PEAK1: variants seen among roughly 807,000 people sequenced by gnomAD.
The protein encoded by PEAK1 is pseudopodium enriched atypical kinase 1, also known as inactive tyrosine-protein kinase PEAK1.
Under a neutral mutation model 124.7 loss-of-function variants are expected in PEAK1, and 54 were observed. The observed-to-expected ratio is 0.43, with a 90% CI of 0.35 to 0.54. The LOEUF is 0.54. PEAK1 is among the 20% of genes least tolerant of loss of function. The probability of loss-of-function intolerance (pLI) is 0.01; values close to 1 mark genes in which losing one functional copy is unlikely to be tolerated. For missense variants in PEAK1, 2,046 were observed against 2,134.5 expected (o/e 0.96, Z 0.82); for synonymous variants, 719 against 760.0 (o/e 0.95, Z 0.89).
At chr15:77,351,799 T>C (rs2067226422) in intron 2 of PEAK1, 1 of 985,432 alleles carries the variant, frequency 1.0e-6, no homozygotes, top group Non-Finnish European at 1.2e-6. Flanking sequence ...TGTGGAGCAC[T>C]GAAAAGTTTT....
intron 1 of PEAK1, among the ~76,000 whole-genome samples, chr15:77,394,881 A>G (rs1210606294): frequency 6.6e-6 from 1 of 152,232 alleles, no homozygotes; most frequent in Non-Finnish European, 1.5e-5. Flanking sequence ...TTCAAAGGAT[A>G]AATGTTTGAG....
chr15:77,288,371 C>T (rs1259539767), intron 2 of PEAK1, among the ~76,000 whole-genome samples: 3 of 152,158 alleles, frequency 2.0e-5, no homozygotes, highest in Admixed American at 1.3e-4. Context: ...GAAATTCTTA[C>T]TTATTCAGGT....
At chr15:77,398,321 A>C (rs1229384041) in intron 1 of PEAK1, among the ~76,000 whole-genome samples, 1 of 152,110 alleles carries the variant, frequency 6.6e-6, no homozygotes, top group East Asian at 1.9e-4. Flanking sequence ...AAAAGCAAAG[A>C]TACAGGCCAA....
At chr15:77,107,389 G>A (rs1596193296), downstream of PEAK1, 1 of 152,284 alleles carries the variant, frequency 6.6e-6, no homozygotes. Context: ...TAAACCTCAA[G>A]TCTGGCAGCC....
chr15:77,350,957 C>T, intron 2 of PEAK1: 2 of 984,962 alleles, frequency 2.0e-6, no homozygotes, highest in Non-Finnish European at 2.4e-6. Context: ...ATTAATTACA[C>T]TCTTCATTCA....
At chr15:77,210,702 A>G (rs1390577988) in intron 6 of PEAK1, among the ~76,000 whole-genome samples, 1 of 152,180 alleles carries the variant, frequency 6.6e-6, no homozygotes, top group African/African-American at 2.4e-5. Context: ...CAACATGGTG[A>G]AACCCCATCT....
At chr15:77,254,581 C>T (rs749418335) in intron 5 of PEAK1, among the ~76,000 whole-genome samples, 3 of 152,080 alleles carry the variant, frequency 2.0e-5, no homozygotes, top group South Asian at 2.1e-4. Context: ...TACAGTCACA[C>T]GCCACCATGC....
chr15:77,349,984 A>T, intron 2 of PEAK1: 1 of 984,976 alleles, frequency 1.0e-6, no homozygotes, highest in Non-Finnish European at 1.2e-6. Context: ...AGGATCAAGC[A>T]TTATAGGAAG....
At chr15:77,227,343 C>T (rs1385057646) in intron 6 of PEAK1, among the ~76,000 whole-genome samples, 1 of 152,054 alleles carries the variant, frequency 6.6e-6, no homozygotes, top group Non-Finnish European at 1.5e-5. Context: ...GTATAAGTAA[C>T]ACAGAGGCAC....
chr15:77,271,636 A>G (rs1314911974), intron 5 of PEAK1, among the ~76,000 whole-genome samples: 1 of 152,206 alleles, frequency 6.6e-6, no homozygotes, highest in African/African-American at 2.4e-5. Context: ...TTGTAGGGAC[A>G]TGGATGAAGC....
chr15:77,320,932 A>G (rs1162793698), intron 2 of PEAK1, among the ~76,000 whole-genome samples: 1 of 151,974 alleles, frequency 6.6e-6, no homozygotes, highest in East Asian at 1.9e-4. Context: ...TCCTTGCGAC[A>G]CTTTGCTGAG....
chr15:77,345,045 T>C (rs2141373515), intron 2 of PEAK1, among the ~76,000 whole-genome samples: 1 of 152,336 alleles, frequency 6.6e-6, no homozygotes, highest in East Asian at 1.9e-4. Context: ...CTTTTTCTAA[T>C]TGTTGTGGCT....
chr15:77,158,153 T>C (rs1395438540), intron 8 of PEAK1: 1 of 176,614 alleles, frequency 5.7e-6, no homozygotes, highest in Non-Finnish European at 1.2e-5. Context: ...AAGGTATCTT[T>C]TGACACCCTC....
intron 6 of PEAK1, among the ~76,000 whole-genome samples, chr15:77,240,882 C>T (rs1373154553): frequency 6.6e-6 from 1 of 152,006 alleles, no homozygotes. Context: ...CAGTGACATG[C>T]AAATTAAAAT....
At chr15:77,165,385 T>C (rs554448722) in intron 7 of PEAK1, among the ~76,000 whole-genome samples, 148 of 152,064 alleles carry the variant, frequency 9.7e-4, no homozygotes, top group African/African-American at 3.3e-3. Flanking sequence ...TTAGTAGAGA[T>C]GGGGTTTCGC....
chr15:77,269,026 GA>G (rs1177616664), intron 5 of PEAK1, among the ~76,000 whole-genome samples: 1 of 150,902 alleles, frequency 6.6e-6, no homozygotes, highest in Non-Finnish European at 1.5e-5. Flanking sequence ...TCTAAATCTT[GA>G]AACAAATCCT....
At position 77,133,639 on chromosome 15, in the gene PEAK1, G is replaced by A. The variant is rs757566895; in HGVS notation, c.3443C>T (p.Ser1148Phe). 4.3e-6 allele frequency: 7 copies of A among 1,614,016 alleles called. No homozygotes were observed. In the Admixed American group the frequency reaches 5.0e-5, roughly 12 times the overall value. ...TGGCAGTGGGGGTGGTGTAGGTTGG[G>A]AAGCATTGGGTGCTTCTTGGTCTGT... is the stretch of plus-strand genomic sequence containing the variant. The part of the protein sequence containing the change: ...GKTDQEAPNA[S>F]QPTPPPLPKK... Residue 1148 changes from serine (S) to phenylalanine (F), a missense_variant, in exon 9 of 10, where the codon TCC (serine) becomes TTC (phenylalanine). Coordinates refer to ENST00000682557, the MANE Select transcript of PEAK1 (RefSeq NM_001385026.1). The surrounding 1 kb of genome is among the most constrained non-coding windows in gnomAD (Gnocchi z 4.2).
chr15:77,303,644 C>T (rs1280831014), intron 2 of PEAK1, among the ~76,000 whole-genome samples: 2 of 152,184 alleles, frequency 1.3e-5, no homozygotes, highest in East Asian at 1.9e-4. Flanking sequence ...ATTTTGGATT[C>T]AAGTGTTATA....
At chr15:77,173,914 T>G (rs1449241257) in intron 7 of PEAK1, among the ~76,000 whole-genome samples, 1 of 152,256 alleles carries the variant, frequency 6.6e-6, no homozygotes, top group East Asian at 1.9e-4. Flanking sequence ...ATTTATCCAT[T>G]GAGGGTAGAG....
Sources: allele counts gnomAD v4.1 joint callset (sites outside exome capture counted in the v4.1 genomes callset), GRCh38; gene constraint gnomAD v4.1.1; non-coding constraint Gnocchi (gnomAD v3.1); transcripts MANE v1.5; gene names NCBI Gene and HGNC (gene_info 2026-07-23, HGNC 2026-07-21).